Variants in TTC7A observed in about 807,000 individuals in gnomAD.
The protein encoded by TTC7A is tetratricopeptide repeat protein 7A.
Under a neutral mutation model 103.7 loss-of-function variants are expected in TTC7A, and 110 were observed. The ratio of observed to expected loss-of-function variants is 1.06; its 90% CI spans 0.91 to 1.24. TTC7A has a LOEUF of 1.24. Among genes scored for constraint, TTC7A ranks in the 50% most tolerant of loss-of-function variants. TTC7A has a pLI of 0.00. For missense variants in TTC7A, 1,340 were observed against 1,116.3 expected (o/e 1.20, Z -2.86); for synonymous variants, 521 against 467.9 (o/e 1.11, Z -1.47).
intron 18 of TTC7A, among the ~76,000 whole-genome samples, chr2:47,056,446 G>A (rs915306721): frequency 8.5e-5 from 13 of 152,168 alleles, no homozygotes; most frequent in Admixed American, 1.3e-4. Flanking sequence ...CTTGGGGGTG[G>A]GCCCAGGCTC....
intron 8 of TTC7A, among the ~76,000 whole-genome samples, chr2:47,002,572 A>T (rs1345823614): frequency 2.0e-5 from 3 of 152,200 alleles, no homozygotes; most frequent in African/African-American, 7.2e-5. Context: ...GAGGGCAGTG[A>T]GCCAGGGAGG....
At chr2:47,001,708 A>G (rs1172991377) in intron 8 of TTC7A, among the ~76,000 whole-genome samples, 1 of 152,034 alleles carries the variant, frequency 6.6e-6, no homozygotes, top group East Asian at 1.9e-4. Flanking sequence ...AATACAAAAA[A>G]ATTAGCCAGG....
intron 1 of TTC7A, 61 bp from the exon 2 acceptor site, chr2:46,950,302 A>G (rs1339359579): frequency 3.8e-6 from 6 of 1,587,180 alleles, no homozygotes; most frequent in Admixed American, 1.7e-5. Flanking sequence ...GGAGTGTGCA[A>G]CTCCCTCCAT....
intron 19 of TTC7A, among the ~76,000 whole-genome samples, chr2:47,066,942 G>GATCGAGGGGCACATCT (rs1379906799): frequency 6.6e-6 from 1 of 152,188 alleles, no homozygotes; most frequent in Non-Finnish European, 1.5e-5. Flanking sequence ...AGAAGTCAAA[G>GATCGAGGGGCACATCT]ATCGAGGGGC....
chr2:47,017,200 CAAAA>C (rs70940652), intron 11 of TTC7A, among the ~76,000 whole-genome samples: 86 of 35,582 alleles, frequency 2.4e-3, no homozygotes, highest in African/African-American at 9.4e-3. Context: ...CACTCTGTCT[CAAAA>C]AAAAAAAAAA....
At chr2:47,052,208 CAAGA>C (rs1010599648) in intron 18 of TTC7A, among the ~76,000 whole-genome samples, 1 of 152,156 alleles carries the variant, frequency 6.6e-6, no homozygotes. Flanking sequence ...GTGGAGGCCC[CAAGA>C]AAGAGAGGGC....
At chr2:46,929,434 T>C (rs1201995725) in intron 2 of TTC7A, among the ~76,000 whole-genome samples, 1 of 151,916 alleles carries the variant, frequency 6.6e-6, no homozygotes, top group East Asian at 1.9e-4. Flanking sequence ...CAGTGAGCTA[T>C]GATAGCGCAA....
At chr2:46,986,274 C>G (rs1472356406) in intron 5 of TTC7A, among the ~76,000 whole-genome samples, 2 of 152,154 alleles carry the variant, frequency 1.3e-5, no homozygotes, top group African/African-American at 2.4e-5. Flanking sequence ...AGGGAGAAAC[C>G]CTTCTCGGTG....
chr2:46,974,768 C>T, intron 3 of TTC7A: 1 of 666,218 alleles, frequency 1.5e-6, no homozygotes, highest in Non-Finnish European at 2.6e-6. Flanking sequence ...TGTGATTCCC[C>T]ACGTGCTGTC....
chr2:46,923,819 G>A (rs967831584), intron 2 of TTC7A, among the ~76,000 whole-genome samples: 1 of 151,822 alleles, frequency 6.6e-6, no homozygotes, highest in African/African-American at 2.4e-5. Context: ...TGCAACCTCT[G>A]CCTCCCAGGT....
intron 19 of TTC7A, among the ~76,000 whole-genome samples, chr2:47,070,950 C>T (rs1443843673): frequency 2.0e-5 from 3 of 152,214 alleles, no homozygotes; most frequent in African/African-American, 7.2e-5. Context: ...TCTCCTCTCT[C>T]AGCGTGGGGC....
chr2:46,950,250 T>G, intron 1 of TTC7A, 113 bp from the exon 2 acceptor site: 3 of 1,060,338 alleles, frequency 2.8e-6, no homozygotes, highest in Non-Finnish European at 4.1e-6. Flanking sequence ...TTCTCAGACC[T>G]GAGCCATTCA....
upstream of TTC7A, among the ~76,000 whole-genome samples, chr2:46,936,846 A>C (rs1670004329): frequency 6.6e-6 from 1 of 151,342 alleles, no homozygotes; most frequent in Non-Finnish European, 1.5e-5. Context: ...ATACAAAAGA[A>C]ACAGGATTCC....
intron 1 of TTC7A, among the ~76,000 whole-genome samples, chr2:46,946,277 T>G (rs1028764427): frequency 2.0e-5 from 3 of 152,166 alleles, no homozygotes; most frequent in African/African-American, 7.2e-5. Context: ...TCTTCTTAAA[T>G]GCCCCTGGGT....
chr2:46,952,848 A>G (rs1300127312), intron 2 of TTC7A, among the ~76,000 whole-genome samples: 4 of 152,144 alleles, frequency 2.6e-5, no homozygotes, highest in Admixed American at 6.5e-5. Context: ...TGCATCTCCT[A>G]TGCCTTTCTT....
chr2:46,995,655 T>C (rs1466627884), intron 8 of TTC7A, among the ~76,000 whole-genome samples: 2 of 152,228 alleles, frequency 1.3e-5, no homozygotes, highest in African/African-American at 4.8e-5. Flanking sequence ...ACTTATTTTC[T>C]CTGAGCCTCC....
At chr2:46,997,601 G>GT (rs1016140357) in intron 8 of TTC7A, among the ~76,000 whole-genome samples, 2 of 151,814 alleles carry the variant, frequency 1.3e-5, no homozygotes, top group African/African-American at 4.9e-5. Context: ...ACTCGAACAT[G>GT]TCCTTCTCCC....
chr2:46,969,486 G>A (rs1443340342), intron 3 of TTC7A, among the ~76,000 whole-genome samples: 2 of 152,026 alleles, frequency 1.3e-5, no homozygotes, highest in Admixed American at 6.5e-5. Context: ...CAGCCTGGGC[G>A]ACAGTGCAAC....
At chr2:46,917,086 G>A in intron 1 of TTC7A, 1 of 682,278 alleles carries the variant, frequency 1.5e-6, no homozygotes, top group Non-Finnish European at 2.6e-6. Flanking sequence ...GCCATTGACG[G>A]TCTCATTCCT....
Sources: allele counts gnomAD v4.1 joint callset (sites outside exome capture counted in the v4.1 genomes callset), GRCh38; gene constraint gnomAD v4.1.1; transcripts MANE v1.5; gene names NCBI Gene and HGNC (gene_info 2026-07-23, HGNC 2026-07-21).